Variants in GRID1 observed in about 807,000 individuals in gnomAD.
GRID1 encodes the protein glutamate ionotropic receptor delta type subunit 1, also known as glutamate receptor ionotropic, delta-1.
GRID1 carries 28 observed loss-of-function variants against 98.0 expected under a neutral mutation model. The ratio of observed to expected loss-of-function variants is 0.29; its 90% CI spans 0.21 to 0.39. The LOEUF is 0.39. Ranked by LOEUF, GRID1 falls within the 10% of genes least tolerant of loss-of-function variation. The pLI is 1.00. For missense variants in GRID1, 1,111 were observed against 1,340.5 expected (o/e 0.83, Z 2.67); for synonymous variants, 553 against 538.5 (o/e 1.03, Z -0.37).
At chr10:85,781,331 A>C (rs1258591639) in intron 8 of GRID1, among the ~76,000 whole-genome samples, 1 of 152,232 alleles carries the variant, frequency 6.6e-6, no homozygotes, top group Non-Finnish European at 1.5e-5. Context: ...TTTCCCTTCA[A>C]ATATTGAGAC....
intron 5 of GRID1, among the ~76,000 whole-genome samples, chr10:85,906,340 A>G (rs1841460717): frequency 6.6e-6 from 1 of 152,180 alleles, no homozygotes; most frequent in Non-Finnish European, 1.5e-5. Context: ...AATAATTGAT[A>G]GAAAAAGTAG....
chr10:85,978,359 G>C (rs1243593110), intron 4 of GRID1, among the ~76,000 whole-genome samples: 2 of 152,124 alleles, frequency 1.3e-5, no homozygotes, highest in Non-Finnish European at 2.9e-5. Context: ...TTCTCCAAAG[G>C]GACTGGGTAG....
intron 2 of GRID1, among the ~76,000 whole-genome samples, chr10:86,285,065 A>T (rs1847410671): frequency 6.6e-6 from 1 of 152,144 alleles, no homozygotes; most frequent in Non-Finnish European, 1.5e-5. Flanking sequence ...AGTCAAGAAG[A>T]GGAGAGGAGC....
chr10:85,920,334 C>A (rs915293926), intron 4 of GRID1, among the ~76,000 whole-genome samples: 1 of 152,212 alleles, frequency 6.6e-6, no homozygotes, highest in African/African-American at 2.4e-5. Flanking sequence ...CAGGAAGGCT[C>A]TCACTAAAGA....
At chr10:85,974,773 C>T (rs11201858) in intron 4 of GRID1, among the ~76,000 whole-genome samples, 31,097 of 152,086 alleles carry the variant, frequency 0.2, 3,317 homozygotes, top group South Asian at 0.24. Flanking sequence ...ACCACAGGCA[C>T]GCACCACTAT....
intron 4 of GRID1, among the ~76,000 whole-genome samples, chr10:86,108,856 C>T (rs746171033): frequency 6.6e-6 from 1 of 152,182 alleles, no homozygotes; most frequent in Admixed American, 6.5e-5. Flanking sequence ...GTTTCGATCA[C>T]TCAGTTTTCC....
chr10:86,251,350 TAAAAAAA>T (rs61715346), intron 2 of GRID1, among the ~76,000 whole-genome samples: 2 of 142,810 alleles, frequency 1.4e-5, no homozygotes, highest in Non-Finnish European at 3.0e-5. Context: ...CAATAAATAC[TAAAAAAA>T]AAAAAAAAAA....
chr10:86,009,974 A>G (rs944976498), intron 4 of GRID1, among the ~76,000 whole-genome samples: 1 of 152,196 alleles, frequency 6.6e-6, no homozygotes, highest in African/African-American at 2.4e-5. Context: ...CCAGACAGTG[A>G]CTTTAAACCA....
At chr10:86,058,013 T>G (rs1001339555) in intron 4 of GRID1, among the ~76,000 whole-genome samples, 2 of 152,192 alleles carry the variant, frequency 1.3e-5, no homozygotes, top group Non-Finnish European at 2.9e-5. Context: ...ATAGGTTAGG[T>G]GTCCCCAGAA....
At chr10:85,938,395 T>C (rs959718442) in intron 4 of GRID1, among the ~76,000 whole-genome samples, 5 of 152,206 alleles carry the variant, frequency 3.3e-5, no homozygotes, top group Admixed American at 2.6e-4. Flanking sequence ...ATTTTTCATC[T>C]TATATATTTC....
At chr10:86,364,184 G>T in intron 1 of GRID1, 88 bp from the exon 2 acceptor site, 1 of 1,103,212 alleles carries the variant, frequency 9.1e-7, no homozygotes, top group Non-Finnish European at 1.3e-6. Context: ...CTCGCAGACC[G>T]ATGATTGCCG....
chr10:86,142,126 A>T (rs1425355907), intron 3 of GRID1, among the ~76,000 whole-genome samples: 1 of 152,204 alleles, frequency 6.6e-6, no homozygotes, highest in Non-Finnish European at 1.5e-5. Flanking sequence ...GGGGACACAT[A>T]GGGGAGAGTC....
intron 12 of GRID1, among the ~76,000 whole-genome samples, chr10:85,711,587 T>C (rs891811448): frequency 6.6e-6 from 1 of 151,916 alleles, no homozygotes; most frequent in African/African-American, 2.4e-5. Flanking sequence ...TTAGTGCCAC[T>C]AAACTATACA....
At chr10:86,335,297 G>T (rs910233202) in intron 2 of GRID1, among the ~76,000 whole-genome samples, 1 of 152,238 alleles carries the variant, frequency 6.6e-6, no homozygotes, top group Non-Finnish European at 1.5e-5. Context: ...TACCTATGCT[G>T]CCTTGGCATT....
chr10:86,244,326 C>G (rs1217317074), intron 2 of GRID1, among the ~76,000 whole-genome samples: 3 of 152,198 alleles, frequency 2.0e-5, no homozygotes, highest in Non-Finnish European at 4.4e-5. Flanking sequence ...GTCCTGGACA[C>G]AGATTCAGCA....
chr10:85,681,418 G>T (rs1042931667), intron 12 of GRID1, among the ~76,000 whole-genome samples: 1 of 152,134 alleles, frequency 6.6e-6, no homozygotes, highest in African/African-American at 2.4e-5. Flanking sequence ...ACAAAGAAAA[G>T]AAATAGGTTT....
At position 85,825,685 on chromosome 10, in the gene GRID1, C is replaced by G. The variant is rs73330567; in HGVS notation, c.1233+28811G>C. 5.7e-3 allele frequency among the ~76,000 whole-genome samples: 868 copies of G among 152,102 alleles called. 8 individuals are homozygous for G. The highest frequency in any genetic ancestry group is 0.02 in the African/African-American group (817 of 41,482). On this transcript the variant is annotated intron_variant, in intron 8 of 15. Transcript: ENST00000327946. ...AATAGCAAAAGGTAACAAGTTAATACAGGGGGCAAAAGAACTAATTTTTTA... is the reference window on the plus strand; with the variant it reads ...AATAGCAAAAGGTAACAAGTTAATAGAGGGGGCAAAAGAACTAATTTTTTA...
intron 6 of GRID1, among the ~76,000 whole-genome samples, chr10:85,865,713 A>G (rs1023167929): frequency 6.6e-5 from 10 of 151,850 alleles, no homozygotes; most frequent in African/African-American, 2.4e-4. Flanking sequence ...GTCATTAAGA[A>G]AGAAAGAAGT....
At chr10:85,828,345 T>C (rs1002758478) in intron 8 of GRID1, among the ~76,000 whole-genome samples, 7 of 151,506 alleles carry the variant, frequency 4.6e-5, no homozygotes, top group Admixed American at 2.6e-4. Context: ...GTTAGAAAGA[T>C]CTCGAATGAA....
Sources: gnomAD v4.1 joint callset for allele counts (sites outside exome capture counted in the v4.1 genomes callset) on GRCh38, gnomAD v4.1.1 for gene constraint, MANE v1.5 for transcripts, NCBI Gene and HGNC (gene_info 2026-07-23, HGNC 2026-07-21) for gene names.